The following SYNE2 variants were observed in gnomAD, a reference collection of about 807,000 sequenced individuals.
SYNE2 encodes spectrin repeat containing nuclear envelope protein 2, also known as nesprin-2.
SYNE2 carries 431 observed loss-of-function variants against 856.3 expected under a neutral mutation model. The ratio of observed to expected loss-of-function variants is 0.50; its 90% CI spans 0.47 to 0.55. The LOEUF (loss-of-function observed/expected upper bound fraction) is 0.55. Among genes scored for constraint, SYNE2 ranks in the 20% least tolerant of loss-of-function variants. The pLI is 0.00. For missense variants in SYNE2, 8,129 were observed against 8,023.2 expected (o/e 1.01, Z -0.50); for synonymous variants, 2,923 against 2,872.3 (o/e 1.02, Z -0.56).
rs1168529666 is a variant in SYNE2 at position 64,152,700 on chromosome 14, G to A, written c.15776G>A (p.Ser5259Asn). The change falls in exon 85 of 116, where the codon AGC becomes AAC. Residue 5259 changes from serine to asparagine, a missense_variant. Physicochemically the swap from Ser to Asn is conservative, Grantham distance 46. Transcript: ENST00000555002. ...SRIDELFQKR[S>N]SVLTQVNQLK... ...ATTGATGAGTTATTTCAAAAGAGAAGCAGTGTTCTCACTCAGGTACTAGAA... is the reference window on the plus strand; with the variant it reads ...ATTGATGAGTTATTTCAAAAGAGAAACAGTGTTCTCACTCAGGTACTAGAA... 3.7e-6 allele frequency: 6 copies of A among 1,613,980 alleles called. No individual in the cohort carries two copies. The highest frequency in any genetic ancestry group is 2.7e-5 in the African/African-American group (2 of 74,918).
chr14:64,208,680 G>A, intron 100 of SYNE2, 78 bp from the exon 101 acceptor site: 1 of 1,475,682 alleles, frequency 6.8e-7, no homozygotes, highest in Non-Finnish European at 9.5e-7. Flanking sequence ...AAGGGAGGGA[G>A]GAACGGAGGT....
chr14:64,169,151 T>C (rs2098398154), intron 93 of SYNE2, among the ~76,000 whole-genome samples, 180 bp downstream of exon 93: 2 of 152,180 alleles, frequency 1.3e-5, no homozygotes. Context: ...TGGGTGACCA[T>C]AAAAACATCT....
intron 1 of SYNE2, among the ~76,000 whole-genome samples, chr14:63,895,886 A>G (rs2095245229): frequency 1.3e-5 from 2 of 152,086 alleles, no homozygotes; most frequent in Non-Finnish European, 2.9e-5. Flanking sequence ...TGAGATAATC[A>G]TCTTGTCCTT....
At chr14:64,178,336 T>A (rs2153734312) in intron 96 of SYNE2, among the ~76,000 whole-genome samples, 1 of 152,336 alleles carries the variant, frequency 6.6e-6, no homozygotes, top group East Asian at 1.9e-4. Context: ...ATACACACAG[T>A]TCAAGTGTCC....
upstream of SYNE2, among the ~76,000 whole-genome samples, chr14:63,852,040 C>CTTGA (rs1480443977): frequency 9.0e-6 from 1 of 110,538 alleles, no homozygotes; most frequent in Admixed American, 1.3e-4. Flanking sequence ...TGGAGGATAT[C>CTTGA]TTGAGACCAG....
chr14:64,146,240 C>CT lies in SYNE2; in HGVS notation c.15639+17_15639+18insT, dbSNP rs765487118. The CT allele has an allele frequency of 6.3e-7, 1 of 1,595,502 alleles. No individual in the cohort carries two copies. Among genetic ancestry groups the CT allele is most frequent in the Non-Finnish European group, 8.5e-7 (1 of 1,171,438 alleles). On this transcript the variant is annotated intron_variant, in intron 84 of 115. Transcript: ENST00000555002. ...GACTGTCAGGTGAGGAGGGGAACAG[C>CT]ATCCCACCCAACCCGCGAGCTGGGG... is the stretch of plus-strand genomic sequence containing the variant.
At chr14:64,000,065 G>A (rs538379286) in intron 27 of SYNE2, among the ~76,000 whole-genome samples, 7 of 152,276 alleles carry the variant, frequency 4.6e-5, no homozygotes, top group Middle Eastern at 3.4e-3. Context: ...TTGTATAGCA[G>A]TGCCTTACCA....
In SYNE2 at chr14:64,117,393, G is replaced by A. The variant is rs1194650867; in HGVS notation, c.12841-2034G>A. 2.0e-5 allele frequency among the ~76,000 whole-genome samples: 3 copies of A among 152,060 alleles called. 1 individual carries two copies. Among genetic ancestry groups the A allele is most frequent in the South Asian group, 4.1e-4 (2 of 4,820 alleles). ...TGGCTCACTGCAGCCTTGACCTGAC[G>A]GGCTCAGGCAATCCTCCTGCCCCAG... is the stretch of plus-strand genomic sequence containing the variant. On this transcript the variant is annotated intron_variant, in intron 66 of 115. Transcript: ENST00000555002.
intron 62 of SYNE2, 143 bp from the exon 63 acceptor site, chr14:64,098,604 A>G: frequency 2.5e-6 from 2 of 807,414 alleles, no homozygotes; most frequent in Admixed American, 2.0e-5. Flanking sequence ...AGCTGAACGG[A>G]CCAGGAGACA....
intron 7 of SYNE2, 130 bp downstream of exon 7, chr14:63,950,136 C>T: frequency 9.1e-7 from 1 of 1,094,574 alleles, no homozygotes; most frequent in Non-Finnish European, 1.4e-6. Flanking sequence ...TGTGCTTCTT[C>T]CATACGTGGA....
At chr14:63,963,832 T>C in intron 9 of SYNE2, 67 bp from the exon 10 acceptor site, 2 of 1,055,450 alleles carry the variant, frequency 1.9e-6, no homozygotes, top group Non-Finnish European at 2.9e-6. Flanking sequence ...TTCAAGTTGC[T>C]AATTTTTTTG....
At chr14:64,213,086 C>T (rs748909903) in intron 105 of SYNE2, 81 bp downstream of exon 105, 4 of 1,443,912 alleles carry the variant, frequency 2.8e-6, no homozygotes, top group Non-Finnish European at 3.9e-6. Context: ...ATTAGGGGAC[C>T]TGTCTTATAA....
intron 16 of SYNE2, 78 bp from the exon 17 acceptor site, chr14:63,982,552 C>T (rs969951769): frequency 1.1e-5 from 15 of 1,349,622 alleles, no homozygotes; most frequent in Non-Finnish European, 1.6e-5. Context: ...AGAAAAAAGC[C>T]TTGGTGAACA....
At chr14:63,789,721 T>A (rs577629078) in intron 1 of SYNE2, among the ~76,000 whole-genome samples, 1 of 151,422 alleles carries the variant, frequency 6.6e-6, no homozygotes, top group South Asian at 2.1e-4. Flanking sequence ...GAGGTTGCAA[T>A]GAGCTGAGAT....
chr14:64,226,222 A>G lies in SYNE2; in HGVS notation c.*696A>G, dbSNP rs184175256. The G allele has an allele frequency of 1.4e-4, 21 of 152,652 alleles. No individual in the cohort carries two copies. The East Asian group carries it at 3.3e-3, about 24-fold the overall frequency. 9.5% of individuals were successfully genotyped at this position (152,652 alleles called of 1,614,324 possible). A position where few individuals can be genotyped will look rare whatever the true frequency, so the allele number is the denominator to read the frequency against. On this transcript the variant is annotated 3_prime_UTR_variant, in exon 116 of 116. Transcript: ENST00000555002. ...TAGATTTTAGCTGGAGCTTTTGACT[A>G]ATGTAAAGTAAATGCCAAACTACCG... is the stretch of plus-strand genomic sequence containing the variant.
rs762273610 is a variant in SYNE2 at position 64,027,787 on chromosome 14, A to G, written c.6708A>G (p.Gln2236=). The G allele has an allele frequency of 3.1e-6, 5 of 1,613,566 alleles. No homozygotes were observed. The African/African-American group carries it at 5.3e-5, about 17-fold the overall frequency. ...IKHLHESLLQ[Q]LQDSVQNLDG... Reference sequence around the variant, plus strand: ...ATCTACACGAAAGTCTTCTTCAACAACTGCAGGTGAGGTGGTCAAAATAAT... The same window carrying G: ...ATCTACACGAAAGTCTTCTTCAACAGCTGCAGGTGAGGTGGTCAAAATAAT... The change falls in exon 43 of 116, where the codon CAA becomes CAG. Residue 2236 remains glutamine, a synonymous_variant. Coordinates refer to ENST00000555002, the MANE Select transcript of SYNE2 (RefSeq NM_182914.3).
chr14:64,112,045 G>T (rs1398931082), intron 65 of SYNE2, among the ~76,000 whole-genome samples: 1 of 152,160 alleles, frequency 6.6e-6, no homozygotes, highest in Non-Finnish European at 1.5e-5. Flanking sequence ...TACAACCCAA[G>T]ACACTTGTGC....
chr14:64,161,300 C>G (rs910079735), intron 87 of SYNE2, among the ~76,000 whole-genome samples: 1 of 151,050 alleles, frequency 6.6e-6, no homozygotes, highest in African/African-American at 2.4e-5. Context: ...GCTGAGATTG[C>G]ACCACTGCAC....
At chr14:64,136,229 G>T (rs2098087048) in intron 78 of SYNE2, among the ~76,000 whole-genome samples, 1 of 148,430 alleles carries the variant, frequency 6.7e-6, no homozygotes. Flanking sequence ...GTCGGAGGCT[G>T]CAGTGAGCTG....
Sources: gnomAD v4.1 joint callset for allele counts (sites outside exome capture counted in the v4.1 genomes callset) on GRCh38, gnomAD v4.1.1 for gene constraint, MANE v1.5 for transcripts, NCBI Gene and HGNC (gene_info 2026-07-23, HGNC 2026-07-21) for gene names.